The following FBRSL1 variants were observed in gnomAD, a reference collection of about 807,000 sequenced individuals.
FBRSL1 encodes fibrosin-1-like protein.
In FBRSL1, 51 loss-of-function variants were observed where a neutral mutation model predicts 89.6. The observed-to-expected ratio is 0.57, with a 90% CI of 0.45 to 0.72. FBRSL1 has a LOEUF of 0.72. Ranked by LOEUF, FBRSL1 falls within the 30% of genes least tolerant of loss-of-function variation. FBRSL1 has a pLI of 0.00. For missense variants in FBRSL1, 1,618 were observed against 1,451.8 expected, an observed-to-expected ratio of 1.11 and a Z score of -1.86; for synonymous variants, 779 against 681.1, an observed-to-expected ratio of 1.14 and a Z score of -2.24.
chr12:132,565,110 T>G (rs1202670723), intron 5 of FBRSL1: 1 of 152,158 alleles, frequency 6.6e-6, no homozygotes, highest in African/African-American at 2.4e-5. Context: ...CCCCCCGCCC[T>G]GGTCTCTCAC....
intron 6 of FBRSL1, among the ~76,000 whole-genome samples, chr12:132,568,603 C>T (rs2039795488): frequency 6.6e-6 from 1 of 152,258 alleles, no homozygotes; most frequent in Admixed American, 6.5e-5. Context: ...CACAGGAGGC[C>T]CCGCACGTGG....
intron 2 of FBRSL1, among the ~76,000 whole-genome samples, chr12:132,525,016 C>A (rs1396844477): frequency 6.6e-6 from 1 of 151,898 alleles, no homozygotes; most frequent in Non-Finnish European, 1.5e-5. Context: ...CAGGCCCTGG[C>A]ACGCATCGGC....
chr12:132,534,943 G>A (rs555974802), intron 4 of FBRSL1, among the ~76,000 whole-genome samples: 5 of 152,226 alleles, frequency 3.3e-5, no homozygotes, highest in African/African-American at 1.2e-4. Flanking sequence ...CCCAGGTATG[G>A]GGGCCACAGC....
intron 5 of FBRSL1, among the ~76,000 whole-genome samples, chr12:132,550,046 G>A (rs555945201): frequency 9.2e-5 from 14 of 152,054 alleles, no homozygotes; most frequent in Admixed American, 6.5e-4. Flanking sequence ...CCGGCAGGGC[G>A]AGTTTGGCAT....
At chr12:132,509,876 C>T (rs930373832) in intron 2 of FBRSL1, 104 of 1,231,718 alleles carry the variant, frequency 8.4e-5, no homozygotes, top group Non-Finnish European at 1.0e-4. Context: ...GACGGCCCGC[C>T]AGCTTCCTCC....
intron 18 of FBRSL1, 133 bp downstream of exon 18, chr12:132,582,399 CCT>C (rs1241000083): frequency 8.7e-5 from 55 of 631,822 alleles, no homozygotes; most frequent in African/African-American, 1.3e-4. Context: ...TCCCCCTCCC[CCT>C]GTTCCCCTTC....
intron 1 of FBRSL1, among the ~76,000 whole-genome samples, chr12:132,494,139 C>T (rs1183949462): frequency 2.0e-5 from 3 of 152,170 alleles, no homozygotes; most frequent in Non-Finnish European, 4.4e-5. Context: ...GCTGGCCTCT[C>T]CCCTGCTCTT....
intron 4 of FBRSL1, among the ~76,000 whole-genome samples, chr12:132,528,659 GC>G (rs2036004504): frequency 1.3e-5 from 2 of 152,206 alleles, no homozygotes; most frequent in South Asian, 4.1e-4. Flanking sequence ...TGTGTGCTGT[GC>G]CTCCCCGTGG....
intron 3 of FBRSL1, among the ~76,000 whole-genome samples, chr12:132,526,682 C>T (rs1430608172): frequency 6.6e-6 from 1 of 152,138 alleles, no homozygotes; most frequent in South Asian, 2.1e-4. Context: ...GGAGGACTGC[C>T]GTCAGCTGGC....
intron 1 of FBRSL1, among the ~76,000 whole-genome samples, chr12:132,494,653 A>G (rs2031686851): frequency 6.6e-6 from 1 of 152,166 alleles, no homozygotes; most frequent in Non-Finnish European, 1.5e-5. Flanking sequence ...ATTTTTGGTT[A>G]ATTTGCATTT....
At chr12:132,560,047 G>C (rs1157723034) in intron 5 of FBRSL1, 1 of 150,474 alleles carries the variant, frequency 6.6e-6, no homozygotes, top group African/African-American at 2.4e-5. Flanking sequence ...GCGCCGCCCA[G>C]AGCGCGCAGA....
chr12:132,551,408 G>A (rs1041642273), intron 5 of FBRSL1: 7 of 456,282 alleles, frequency 1.5e-5, no homozygotes, highest in South Asian at 9.3e-5. Context: ...CCCAGCAGCC[G>A]TGCAGGGAAC....
chr12:132,581,046 A>G (rs2040710600), intron 15 of FBRSL1: 2 of 985,370 alleles, frequency 2.0e-6, no homozygotes, highest in African/African-American at 3.5e-5. Flanking sequence ...CACCACATTA[A>G]GAAGTGAGGA....
intron 5 of FBRSL1, among the ~76,000 whole-genome samples, chr12:132,559,120 G>A (rs568728610): frequency 1.3e-5 from 2 of 152,370 alleles, no homozygotes; most frequent in South Asian, 4.1e-4. Flanking sequence ...CTCGATCCGA[G>A]TTCTAGCGCC....
chr12:132,511,740 C>G (rs891301127), intron 2 of FBRSL1: 2 of 985,432 alleles, frequency 2.0e-6, no homozygotes, highest in Non-Finnish European at 2.4e-6. Context: ...TCCAGCACCC[C>G]GCACTTGCTC....
chr12:132,572,324 T>C lies in FBRSL1; in HGVS notation c.1414T>C (p.Phe472Leu). The change falls in exon 10 of 19, where the codon TTC becomes CTC. Residue 472 changes from phenylalanine (F) to leucine (L), a missense_variant. By Grantham distance (22) the Phe-to-Leu change is conservative. Transcript: ENST00000680143. Reference sequence around the variant, plus strand: ...TGCGCCCAAGCTGGACAGCCCCTACTTCCGACATTCCAGCGTGAGTGTGAG... The same window carrying C: ...TGCGCCCAAGCTGGACAGCCCCTACCTCCGACATTCCAGCGTGAGTGTGAG... ...KYAPKLDSPY[F>L]RHSSVSFFPS... 1 of 1,551,156 alleles carries C rather than the reference T, an allele frequency of 6.4e-7. No homozygotes were observed. The highest frequency in any genetic ancestry group is 8.7e-7 in the Non-Finnish European group (1 of 1,146,738).
At chr12:132,563,489 C>G (rs938292739) in intron 5 of FBRSL1, among the ~76,000 whole-genome samples, 5 of 151,888 alleles carry the variant, frequency 3.3e-5, no homozygotes, top group African/African-American at 1.2e-4. Flanking sequence ...GATCTCTGTC[C>G]GTCGCGGCAT....
At position 132,583,084 on chromosome 12, in the gene FBRSL1, C is replaced by G. The variant is rs1387913758; in HGVS notation, c.2315C>G (p.Ala772Gly). ...CAGAGCGAGCTGGGCCGGTCCGGGGCCCCCGCGGAGCGCGAGGCCGAACCT... is the reference window on the plus strand; with the variant it reads ...CAGAGCGAGCTGGGCCGGTCCGGGGGCCCCGCGGAGCGCGAGGCCGAACCT... ...RAQSELGRSG[A>G]PAEREAEPRV... Residue 772 changes from alanine to glycine, a missense_variant, in exon 19 of 19, where the codon GCC becomes GGC. By Grantham distance (60) the Ala-to-Gly change is moderately conservative. Coordinates refer to ENST00000680143, the MANE Select transcript of FBRSL1 (RefSeq NM_001367871.1). 4 of 1,446,164 alleles carry G rather than the reference C, an allele frequency of 2.8e-6. No individual in the cohort carries two copies. The African/African-American group carries it at 6.0e-5, about 22-fold the overall frequency. The allele number at this position is 1,446,164 out of a possible 1,614,324, so 89.6% of individuals were successfully genotyped here.
intron 5 of FBRSL1, among the ~76,000 whole-genome samples, chr12:132,563,474 C>T (rs2039318105): frequency 6.6e-6 from 1 of 151,888 alleles, no homozygotes; most frequent in Admixed American, 6.6e-5. Flanking sequence ...TCATTCGGTT[C>T]TGTGGATCTC....
Sources: allele counts gnomAD v4.1 joint callset (sites outside exome capture counted in the v4.1 genomes callset), GRCh38; gene constraint gnomAD v4.1.1; transcripts MANE v1.5; gene names NCBI Gene and HGNC (gene_info 2026-07-23, HGNC 2026-07-21).